Variants in PRDM5 observed in about 807,000 individuals in gnomAD.
PRDM5 encodes the protein PR/SET domain 5.
PRDM5 carries 56 observed loss-of-function variants against 81.2 expected under a neutral mutation model. The ratio of observed to expected loss-of-function variants is 0.69; its 90% confidence interval spans 0.56 to 0.86. The LOEUF is 0.86. Ranked by LOEUF, PRDM5 falls within the 40% of genes least tolerant of loss-of-function variation. PRDM5 has a pLI of 0.00. For missense variants in PRDM5, 697 were observed against 770.1 expected (o/e 0.91, Z 1.12); for synonymous variants, 267 against 256.4 (o/e 1.04, Z -0.39).
intron 7 of PRDM5, chr4:120,812,847 C>A: frequency 7.8e-6 from 2 of 255,208 alleles, no homozygotes; most frequent in South Asian, 3.8e-5. Flanking sequence ...GTGATATATC[C>A]ACAAGGAATT....
At chr4:120,898,954 A>T (rs1437959767) in intron 2 of PRDM5, among the ~76,000 whole-genome samples, 1 of 152,156 alleles carries the variant, frequency 6.6e-6, no homozygotes, top group Non-Finnish European at 1.5e-5. Context: ...TTTGTGAAGA[A>T]TTCCAAACGA....
intron 3 of PRDM5, among the ~76,000 whole-genome samples, chr4:120,836,851 T>C (rs1284239142): frequency 6.6e-6 from 1 of 152,164 alleles, no homozygotes; most frequent in Non-Finnish European, 1.5e-5. Context: ...GTTGTTAGAA[T>C]TAAATAAGAC....
In PRDM5 at chr4:120,752,800, C is replaced by A. The variant is rs1186272834; in HGVS notation, c.1623+1753G>T. On this transcript the variant is annotated intron_variant, in intron 14 of 15. Coordinates refer to ENST00000264808, the MANE Select transcript of PRDM5 (RefSeq NM_018699.4). ...AGTTTCTTGTTTTACAAAAATAAAT[C>A]ATAATAACAGCTACCTCATAGAGTT... is the stretch of plus-strand genomic sequence containing the variant. 2.6e-5 allele frequency among the ~76,000 whole-genome samples: 4 copies of A among 152,250 alleles called. No homozygotes were observed. In the East Asian group the frequency reaches 7.7e-4, roughly 29 times the overall value.
chr4:120,785,197 G>A (rs1749605659), intron 10 of PRDM5, 106 bp from the exon 11 acceptor site: 2 of 854,854 alleles, frequency 2.3e-6, no homozygotes, highest in African/African-American at 1.7e-5. Context: ...AAGGGAAGGT[G>A]GACAGTATCT....
chr4:120,914,398 G>A (rs1451075111), intron 1 of PRDM5, among the ~76,000 whole-genome samples: 1 of 152,064 alleles, frequency 6.6e-6, no homozygotes, highest in Non-Finnish European at 1.5e-5. Flanking sequence ...ATGATATTTA[G>A]AGAACAGATC....
At chr4:120,804,296 A>G (rs1752575903) in intron 8 of PRDM5, among the ~76,000 whole-genome samples, 1 of 128,846 alleles carries the variant, frequency 7.8e-6, no homozygotes. Flanking sequence ...GATCAATGAG[A>G]CAGAAGTTAA....
Position 120,823,913 on chromosome 4 carries a change from T to C in PRDM5, c.301-2568A>G, listed in dbSNP as rs573686902. Among the ~76,000 whole-genome samples, 6 of 152,326 alleles carry C rather than the reference T, an allele frequency of 3.9e-5. No homozygotes were observed. In the South Asian group the frequency reaches 1.0e-3, roughly 26 times the overall value. ...TGGCTTAGTGCCGTTCTCAGTATAA[T>C]GAATGAGTTCTTCCTCTATTACTTC... On this transcript the variant is annotated intron_variant, in intron 3 of 15. Coordinates refer to ENST00000264808, the MANE Select transcript of PRDM5 (RefSeq NM_018699.4).
At chr4:120,779,875 A>T (rs2149235417) in intron 12 of PRDM5, among the ~76,000 whole-genome samples, 1 of 152,198 alleles carries the variant, frequency 6.6e-6, no homozygotes, top group East Asian at 1.9e-4. Flanking sequence ...GCACCACTGC[A>T]CTCCAGCCTG....
At chr4:120,879,005 T>C (rs1001727017) in intron 2 of PRDM5, among the ~76,000 whole-genome samples, 1 of 152,142 alleles carries the variant, frequency 6.6e-6, no homozygotes, top group African/African-American at 2.4e-5. Flanking sequence ...AAACATACTC[T>C]TACCATGTGA....
At chr4:120,765,336 T>C (rs1453499994) in intron 13 of PRDM5, among the ~76,000 whole-genome samples, 1 of 152,230 alleles carries the variant, frequency 6.6e-6, no homozygotes, top group Admixed American at 6.5e-5. Flanking sequence ...GTTGGAACTG[T>C]AGGCAAGTAA....
At chr4:120,819,490 T>C (rs375059775) in intron 4 of PRDM5, among the ~76,000 whole-genome samples, 2 of 152,160 alleles carry the variant, frequency 1.3e-5, no homozygotes, top group East Asian at 3.9e-4. Context: ...CTGCACATTG[T>C]GCACATGTAC....
At chr4:120,710,515 C>CA (rs1354299800) in intron 14 of PRDM5, 102 bp from the exon 15 acceptor site, 7 of 919,576 alleles carry the variant, frequency 7.6e-6, no homozygotes, top group Non-Finnish European at 1.2e-5. Flanking sequence ...AATACTGCAG[C>CA]AAATTTACAG....
intron 6 of PRDM5, 22 bp from the exon 7 acceptor site, chr4:120,816,596 G>C: frequency 6.2e-7 from 1 of 1,613,814 alleles, no homozygotes; most frequent in Admixed American, 1.7e-5. Flanking sequence ...CCAGCAAAGC[G>C]GAACAGGAAG....
chr4:120,690,996 T>C (rs1734027444), downstream of PRDM5, among the ~76,000 whole-genome samples: 1 of 152,170 alleles, frequency 6.6e-6, no homozygotes, highest in Admixed American at 6.6e-5. Context: ...TTTGCATTAT[T>C]AGGAAGCTAA....
intron 7 of PRDM5, among the ~76,000 whole-genome samples, chr4:120,813,897 C>G (rs1237294360): frequency 1.3e-5 from 2 of 152,120 alleles, no homozygotes; most frequent in Non-Finnish European, 2.9e-5. Context: ...GAGAAAGAAA[C>G]AGATTTCTCC....
chr4:120,785,068 G>C lies in PRDM5; in HGVS notation c.1212C>G (p.Phe404Leu), dbSNP rs375961361. The stretch of plus-strand genomic sequence containing the variant: ...ACAAAGCTTTACATTCTTCACATTG[G>C]AACGGTCTCTCCTCAGAGTGGGTCT... ...HKKTHSEERP[F>L]QCEECKALFR... The change falls in exon 11 of 16, where the codon TTC becomes TTG. Residue 404 changes from phenylalanine (F) to leucine (L), a missense_variant. By Grantham distance (22) the Phe-to-Leu change is conservative (BLOSUM62 0). Around this residue, in one of 3 missense-constraint regions of PRDM5, gnomAD observed 577 missense variants for 606.7 expected, o/e 0.95. Transcript: ENST00000264808. 3.1e-6 allele frequency: 5 copies of C among 1,611,340 alleles called. No individual in the cohort carries two copies. In the African/African-American group the frequency reaches 6.7e-5, roughly 22 times the overall value.
At chr4:120,685,390 T>C (rs568960463) in intron 1 of PRDM5, among the ~76,000 whole-genome samples, 221 of 152,254 alleles carry the variant, frequency 1.5e-3, no homozygotes, top group African/African-American at 5.2e-3. Context: ...AAAGAATAGG[T>C]ATCATTAATA....
At chr4:120,758,618 A>G (rs973836705) in intron 13 of PRDM5, among the ~76,000 whole-genome samples, 7 of 152,144 alleles carry the variant, frequency 4.6e-5, no homozygotes, top group African/African-American at 1.7e-4. Context: ...TAGCGCCTTC[A>G]CAGGGAGCAT....
intron 14 of PRDM5, among the ~76,000 whole-genome samples, chr4:120,719,572 A>G (rs1216053593): frequency 6.6e-6 from 1 of 152,198 alleles, no homozygotes; most frequent in Non-Finnish European, 1.5e-5. Flanking sequence ...ATCATAATCT[A>G]GATGAACAAA....
Sources: allele counts gnomAD v4.1 joint callset (sites outside exome capture counted in the v4.1 genomes callset), GRCh38; gene constraint gnomAD v4.1.1; regional missense constraint gnomAD v4.1.1; transcripts MANE v1.5; gene names NCBI Gene and HGNC (gene_info 2026-07-23, HGNC 2026-07-21).